ST14: variants seen among roughly 807,000 people sequenced by gnomAD.
ST14 encodes ST14 transmembrane serine protease matriptase, also known as suppressor of tumorigenicity 14 protein.
In ST14, 40 loss-of-function variants were observed where a neutral mutation model predicts 96.5. That is an observed-to-expected ratio of 0.41 (90% CI 0.32 to 0.54). ST14 has a LOEUF of 0.54. ST14 is among the 20% of genes least tolerant of loss of function. ST14 has a pLI of 0.17. For synonymous variants in ST14, 506 were observed against 492.1 expected, an observed-to-expected ratio of 1.03 and a Z score of -0.37; for missense variants, 1,066 against 1,188.9, an observed-to-expected ratio of 0.90 and a Z score of 1.52.
At chr11:130,197,480 G>A (rs990862047) in intron 11 of ST14, among the ~76,000 whole-genome samples, 30 of 152,274 alleles carry the variant, frequency 2.0e-4, no homozygotes, top group Non-Finnish European at 5.9e-5. Context: ...CGTCACAGGC[G>A]GGGCCTGGCC....
At chr11:130,198,284 C>T (rs202205907) in intron 12 of ST14, 24 bp from the exon 13 acceptor site, 25 of 1,609,116 alleles carry the variant, frequency 1.6e-5, no homozygotes, top group Admixed American at 6.7e-5. Flanking sequence ...GCCTCACGGC[C>T]GACCTCCCCT....
At chr11:130,204,201 C>T (rs1387591456) in intron 16 of ST14, among the ~76,000 whole-genome samples, 1 of 152,088 alleles carries the variant, frequency 6.6e-6, no homozygotes, top group Non-Finnish European at 1.5e-5. Flanking sequence ...TCACAGATGC[C>T]CAGAGATTGT....
chr11:130,188,249 G>A lies in ST14; in HGVS notation c.217G>A (p.Gly73Ser), dbSNP rs759732489. The A allele has an allele frequency of 2.0e-5, 33 of 1,613,774 alleles. No homozygotes were observed. Among genetic ancestry groups the A allele is most frequent in the East Asian group, 2.2e-5 (1 of 44,888 alleles). Residue 73 changes from glycine (G) to serine (S), a missense_variant, in exon 2 of 19, where the codon GGC becomes AGC. Gly to Ser is a moderately conservative substitution (Grantham distance 56). Transcript: ENST00000278742. This position sits in a 1 kb window ranked among gnomAD's most constrained non-coding sequence, Gnocchi z 5.4. ...IGLLLVLLGIGFLVWHLQYRD... is the reference protein window; with the variant it reads ...IGLLLVLLGISFLVWHLQYRD... The stretch of plus-strand genomic sequence containing the variant: ...CCTCCTCTTGGTCTTGCTGGGGATC[G>A]GCTTCCTGGTGTGGCATTTGCAGTG...
At chr11:130,191,689 CAAAAAAAAAAAAA>C (rs4054265) in intron 7 of ST14, among the ~76,000 whole-genome samples, 1 of 109,050 alleles carries the variant, frequency 9.2e-6, no homozygotes, top group Non-Finnish European at 1.8e-5. Context: ...GACTCTGTCT[CAAAAAAAAAAAAA>C]AAAAAAAAGA....
At chr11:130,167,860 G>A (rs909662753) in intron 1 of ST14, among the ~76,000 whole-genome samples, 1 of 152,118 alleles carries the variant, frequency 6.6e-6, no homozygotes, top group Admixed American at 6.5e-5. Flanking sequence ...AATTACAGGT[G>A]TGCGCCACTG....
At chr11:130,194,852 ATGTGTGTGTG>A (rs58417767) in intron 9 of ST14, 115 bp downstream of exon 9, 2,107 of 756,588 alleles carry the variant, frequency 2.8e-3, no homozygotes, top group East Asian at 3.8e-3. Context: ...ATATGTGTGC[ATGTGTGTGTG>A]TGTGTGTGTG....
chr11:130,188,368 C>A lies in ST14; in HGVS notation c.241+95C>A. Reference sequence around the variant, plus strand: ...GACCCAGGGCCACCTACTGAGTACACGAGGATCTCTTGGCCTCTCTGGAAC... The same window carrying A: ...GACCCAGGGCCACCTACTGAGTACAAGAGGATCTCTTGGCCTCTCTGGAAC... On this transcript the variant is annotated intron_variant, in intron 2 of 18. Coordinates refer to ENST00000278742, the MANE Select transcript of ST14 (RefSeq NM_021978.4). This position sits in a 1 kb window ranked among gnomAD's most constrained non-coding sequence, Gnocchi z 5.4. 6.3e-7 allele frequency: 1 copy of A among 1,579,474 alleles called. No homozygotes were observed. Among genetic ancestry groups the A allele is most frequent in the South Asian group, 1.2e-5 (1 of 86,256 alleles).
chr11:130,172,506 C>G (rs1457622836), intron 1 of ST14, among the ~76,000 whole-genome samples: 1 of 150,904 alleles, frequency 6.6e-6, no homozygotes, highest in Non-Finnish European at 1.5e-5. Flanking sequence ...CAAGCTCTGC[C>G]TCCCAGGTTC....
chr11:130,203,363 C>T (rs1200440769), intron 16 of ST14, among the ~76,000 whole-genome samples: 3 of 152,212 alleles, frequency 2.0e-5, no homozygotes, highest in South Asian at 2.1e-4. Context: ...CCACCTTGCT[C>T]GTCCTAGCTC....
In ST14 at chr11:130,188,611, C is replaced by G. The variant is rs1045013550; in HGVS notation, c.323C>G (p.Ser108Cys). ...AATTTTGTGGATGCCTACGAGAACT[C>G]CAACTCCACTGAGTTTGTAAGCCTG... The part of the protein sequence containing the change: ...NENFVDAYEN[S>C]NSTEFVSLAS... The change falls in exon 3 of 19, where the codon TCC (serine) becomes TGC (cysteine). Residue 108 changes from serine (S) to cysteine (C), a missense_variant. Physicochemically the swap from Ser to Cys is moderately radical, Grantham distance 112. Coordinates refer to ENST00000278742, the MANE Select transcript of ST14 (RefSeq NM_021978.4). This position sits in a 1 kb window ranked among gnomAD's most constrained non-coding sequence, Gnocchi z 5.4. 6 of 1,614,132 alleles carry G rather than the reference C, an allele frequency of 3.7e-6. No individual in the cohort carries two copies. The South Asian group carries it at 5.5e-5, about 15-fold the overall frequency.
intron 16 of ST14, among the ~76,000 whole-genome samples, chr11:130,204,334 C>G (rs1953464705): frequency 6.6e-6 from 1 of 152,194 alleles, no homozygotes; most frequent in Non-Finnish European, 1.5e-5. Flanking sequence ...AAGACCTCAC[C>G]TGGCAACTCT....
chr11:130,196,563 C>A lies in ST14; in HGVS notation c.1224-7C>A, dbSNP rs770643842. 1.2e-6 allele frequency: 2 copies of A among 1,611,062 alleles called. No homozygotes were observed. Among genetic ancestry groups the A allele is most frequent in the Non-Finnish European group, 1.7e-6 (2 of 1,177,780 alleles). ...CCTCCTCACCTTGTGCCCCGCCCCC[C>A]CTCCAGATACTGCGGAGAGAGGTCC... is the stretch of plus-strand genomic sequence containing the variant. On this transcript the variant is annotated splice_region_variant and splice_polypyrimidine_tract_variant and intron_variant, in intron 10 of 18. Coordinates refer to ENST00000278742, the MANE Select transcript of ST14 (RefSeq NM_021978.4).
In ST14 at chr11:130,209,981, C is replaced by T; in HGVS notation, c.*158C>T. On this transcript the variant is annotated 3_prime_UTR_variant, in exon 19 of 19. Transcript: ENST00000278742. ...CAGGGCTCCAAATCTGCCTAGAAAA[C>T]CTCTCGCTTCCTCAGCCTCCAAAGT... is the stretch of plus-strand genomic sequence containing the variant. 1 of 874,620 alleles carries T rather than the reference C, an allele frequency of 1.1e-6. No homozygotes were observed. Among genetic ancestry groups the T allele is most frequent in the Non-Finnish European group, 1.7e-6 (1 of 584,010 alleles). The allele number at this position is 874,620 out of a possible 1,614,324, so 54.2% of individuals were successfully genotyped here.
intron 4 of ST14, 105 bp from the exon 5 acceptor site, chr11:130,189,634 G>A: frequency 2.0e-6 from 3 of 1,481,738 alleles, no homozygotes; most frequent in South Asian, 1.2e-5. Flanking sequence ...GCAGATGGCA[G>A]GCCCAGGTGT....
intron 1 of ST14, among the ~76,000 whole-genome samples, chr11:130,163,985 C>T (rs1326204752): frequency 6.6e-6 from 1 of 152,216 alleles, no homozygotes; most frequent in Non-Finnish European, 1.5e-5. Context: ...ACCAGACTAC[C>T]AGACTGCCTA....
intron 1 of ST14, among the ~76,000 whole-genome samples, chr11:130,174,371 T>A (rs1437932727): frequency 6.6e-6 from 1 of 152,294 alleles, no homozygotes; most frequent in East Asian, 1.9e-4. Flanking sequence ...AAAAAAGGGT[T>A]AAGAGAGGAA....
chr11:130,196,463 G>A lies in ST14; in HGVS notation c.1223+15G>A. On this transcript the variant is annotated intron_variant, in intron 10 of 18. Coordinates refer to ENST00000278742, the MANE Select transcript of ST14 (RefSeq NM_021978.4). ...AACGGGGAGAAGTGAGTCCCCGGGGGTATGGGGGCTGCCGGGCCCATGCTG... is the reference window on the plus strand; with the variant it reads ...AACGGGGAGAAGTGAGTCCCCGGGGATATGGGGGCTGCCGGGCCCATGCTG... 1.9e-6 allele frequency: 3 copies of A among 1,601,232 alleles called. No individual in the cohort carries two copies. Among genetic ancestry groups the A allele is most frequent in the Non-Finnish European group, 2.6e-6 (3 of 1,172,990 alleles).
intron 1 of ST14, among the ~76,000 whole-genome samples, chr11:130,176,945 C>T (rs1565620031): frequency 6.6e-6 from 1 of 151,448 alleles, no homozygotes; most frequent in Non-Finnish European, 1.5e-5. Flanking sequence ...ACTACAGGCC[C>T]ATACTACCGC....
Position 130,198,544 on chromosome 11 carries a change from A to C in ST14, c.1607A>C (p.Lys536Thr), listed in dbSNP as rs1953393325. 1 of 1,614,054 alleles carries C rather than the reference A, an allele frequency of 6.2e-7. No individual in the cohort carries two copies. The highest frequency in any genetic ancestry group is 8.5e-7 in the Non-Finnish European group (1 of 1,180,012). Residue 536 changes from lysine to threonine, a missense_variant, in exon 14 of 19, where the codon AAG (lysine) becomes ACG (threonine). Physicochemically the swap from Lys to Thr is moderately conservative, Grantham distance 78. Coordinates refer to ENST00000278742, the MANE Select transcript of ST14 (RefSeq NM_021978.4). ...PAQTFRCSNG[K>T]CLSKSQQCNG... Reference sequence around the variant, plus strand: ...CAGACCTTCAGGTGTTCCAATGGGAAGTGCCTCTCGAAAAGCCAGCAGTGC... The same window carrying C: ...CAGACCTTCAGGTGTTCCAATGGGACGTGCCTCTCGAAAAGCCAGCAGTGC...
Sources: gnomAD v4.1 joint callset for allele counts (sites outside exome capture counted in the v4.1 genomes callset) on GRCh38, gnomAD v4.1.1 for gene constraint, Gnocchi (gnomAD v3.1) non-coding constraint, MANE v1.5 for transcripts, NCBI Gene and HGNC (gene_info 2026-07-23, HGNC 2026-07-21) for gene names.